TRDN: variants seen among roughly 807,000 people sequenced by gnomAD.
TRDN encodes the protein triadin.
Under a neutral mutation model 149.7 loss-of-function variants are expected in TRDN, and 161 were observed. That is an observed-to-expected ratio of 1.08 (90% CI 0.95 to 1.23). The LOEUF is 1.23. Ranked by LOEUF, TRDN falls within the 50% of genes most tolerant of loss-of-function variation. The pLI, the probability that TRDN is intolerant of heterozygous loss-of-function variation, is 0.00. For missense variants in TRDN, 896 were observed against 823.5 expected (o/e 1.09, Z -1.08); for synonymous variants, 294 against 250.5 (o/e 1.17, Z -1.64).
At chr6:123,635,323 AAC>A (rs141018949) in intron 1 of TRDN, among the ~76,000 whole-genome samples, 3,633 of 147,092 alleles carry the variant, frequency 0.025, 147 homozygotes, top group African/African-American at 0.084. Flanking sequence ...CAGAAAAGAA[AAC>A]ACACACACAC....
intron 1 of TRDN, among the ~76,000 whole-genome samples, chr6:123,571,381 A>G (rs935521579): frequency 3.3e-5 from 5 of 152,196 alleles, no homozygotes; most frequent in African/African-American, 7.2e-5. Context: ...CTGAGGGAGA[A>G]TCAACACAAG....
At chr6:123,403,047 A>T (rs550658389) in intron 12 of TRDN, among the ~76,000 whole-genome samples, 1 of 152,344 alleles carries the variant, frequency 6.6e-6, no homozygotes, top group African/African-American at 2.4e-5. Context: ...AGTCATGCAC[A>T]TCGAAGTGTA....
chr6:123,634,051 C>G (rs759029329), intron 1 of TRDN, among the ~76,000 whole-genome samples: 1 of 151,758 alleles, frequency 6.6e-6, no homozygotes, highest in Admixed American at 6.6e-5. Context: ...TGTGTGTGTG[C>G]GTGATAAATG....
At chr6:123,490,537 A>G (rs1469247924) in intron 9 of TRDN, among the ~76,000 whole-genome samples, 1 of 152,184 alleles carries the variant, frequency 6.6e-6, no homozygotes, top group Non-Finnish European at 1.5e-5. Flanking sequence ...TAGCAAAATC[A>G]TGGATAAGAG....
chr6:123,497,802 A>G (rs979699317), intron 8 of TRDN, among the ~76,000 whole-genome samples: 1 of 152,172 alleles, frequency 6.6e-6, no homozygotes, highest in Non-Finnish European at 1.5e-5. Flanking sequence ...TGGGAGAGTA[A>G]ATCAAGAACA....
chr6:123,626,237 G>A (rs34408356), intron 1 of TRDN, among the ~76,000 whole-genome samples: 41,867 of 151,918 alleles, frequency 0.28, 5,940 homozygotes, highest in East Asian at 0.43. Context: ...ATCCCAGCAC[G>A]TTGGGAGGCC....
At chr6:123,617,761 G>A (rs570695921) in intron 1 of TRDN, among the ~76,000 whole-genome samples, 16 of 151,858 alleles carry the variant, frequency 1.1e-4, no homozygotes, top group Non-Finnish European at 2.2e-4. Flanking sequence ...TTTTTGAGAC[G>A]GAGTTTTGCT....
rs1476007744 is a variant in TRDN at position 123,528,965 on chromosome 6, T to G, written c.484+1541A>C. The stretch of plus-strand genomic sequence containing the variant: ...AATCTCCAGCTCAGTCTTTGAGAAA[T>G]TTATTTTAGACTTCAGCCAAATTCA... On this transcript the variant is annotated intron_variant, in intron 5 of 40. Transcript: ENST00000334268. 3 of 1,226,892 alleles carry G rather than the reference T, an allele frequency of 2.4e-6. No homozygotes were observed. The East Asian group carries it at 1.1e-4, about 45-fold the overall frequency. The allele number at this position is 1,226,892 out of a possible 1,614,324, so 76.0% of individuals were successfully genotyped here.
At chr6:123,335,790 A>G (rs531440988) in intron 22 of TRDN, among the ~76,000 whole-genome samples, 1 of 152,134 alleles carries the variant, frequency 6.6e-6, no homozygotes, top group South Asian at 2.1e-4. Context: ...AAATAAAGAC[A>G]TTAATGTCCC....
At chr6:123,413,363 G>A (rs1773521025) in intron 12 of TRDN, among the ~76,000 whole-genome samples, 1 of 152,114 alleles carries the variant, frequency 6.6e-6, no homozygotes, top group Admixed American at 6.6e-5. Flanking sequence ...GGACTTTCTG[G>A]CATCAAACAA....
intron 8 of TRDN, among the ~76,000 whole-genome samples, chr6:123,499,908 G>A (rs1778626068): frequency 6.6e-6 from 1 of 150,720 alleles, no homozygotes; most frequent in Non-Finnish European, 1.5e-5. Context: ...AAGAGGATGT[G>A]TATAGGTTAT....
At chr6:123,617,701 A>T (rs747398550) in intron 1 of TRDN, among the ~76,000 whole-genome samples, 1 of 152,154 alleles carries the variant, frequency 6.6e-6, no homozygotes, top group Non-Finnish European at 1.5e-5. Context: ...ATTTATTTTT[A>T]AAAAGATTTA....
intron 7 of TRDN, among the ~76,000 whole-genome samples, chr6:123,506,726 C>T (rs7751031): frequency 0.1 from 15,106 of 151,814 alleles, 1,043 homozygotes; most frequent in South Asian, 0.21. Flanking sequence ...TGACCTCAGG[C>T]GATCCACCCG....
intron 1 of TRDN, among the ~76,000 whole-genome samples, chr6:123,582,874 G>T (rs1583282004): frequency 6.6e-6 from 1 of 151,950 alleles, no homozygotes; most frequent in East Asian, 1.9e-4. Context: ...GGGGGGGCGT[G>T]GGAACCTAGA....
intron 13 of TRDN, 115 bp from the exon 14 acceptor site, chr6:123,388,666 A>G (rs1781995924): frequency 3.7e-6 from 4 of 1,070,120 alleles, no homozygotes; most frequent in South Asian, 1.6e-5. Flanking sequence ...CTATACACTA[A>G]TCAATTCATC....
At chr6:123,501,867 G>C (rs1778714893) in intron 8 of TRDN, 1 of 949,464 alleles carries the variant, frequency 1.1e-6, no homozygotes, top group Non-Finnish European at 1.3e-6. Flanking sequence ...TCTGATTACT[G>C]ATAGAAATGA....
chr6:123,374,165 T>G (rs1254424343), intron 19 of TRDN, among the ~76,000 whole-genome samples: 1 of 152,188 alleles, frequency 6.6e-6, no homozygotes, highest in Non-Finnish European at 1.5e-5. Context: ...TTAAGATGAT[T>G]TGGCAAGCTA....
chr6:123,431,675 T>A (rs1774346802), intron 12 of TRDN, among the ~76,000 whole-genome samples: 1 of 152,128 alleles, frequency 6.6e-6, no homozygotes, highest in African/African-American at 2.4e-5. Context: ...CATGAATACA[T>A]ATGAAAGATA....
chr6:123,463,981 A>G (rs1776637512), intron 10 of TRDN, among the ~76,000 whole-genome samples: 1 of 152,112 alleles, frequency 6.6e-6, no homozygotes, highest in Non-Finnish European at 1.5e-5. Flanking sequence ...CACACAGAAG[A>G]TCTTTTCCAA....
Sources: allele counts gnomAD v4.1 joint callset (sites outside exome capture counted in the v4.1 genomes callset), GRCh38; gene constraint gnomAD v4.1.1; transcripts MANE v1.5; gene names NCBI Gene and HGNC (gene_info 2026-07-23, HGNC 2026-07-21).